Variants in CHORDC1 observed in about 807,000 individuals in gnomAD.
The protein encoded by CHORDC1 is cysteine and histidine rich domain containing 1.
In CHORDC1, 25 loss-of-function variants were observed where a neutral mutation model predicts 48.3. The ratio of observed to expected loss-of-function variants is 0.52; its 90% CI spans 0.38 to 0.72. The LOEUF (loss-of-function observed/expected upper bound fraction) is 0.72, where lower values mean the gene tolerates loss of function less well. Among genes scored for constraint, CHORDC1 ranks in the 30% least tolerant of loss-of-function variants. The pLI, the probability that CHORDC1 is intolerant of heterozygous loss-of-function variation, is 0.00. For synonymous variants in CHORDC1, 128 were observed against 126.4 expected (o/e 1.01, Z -0.09); for missense variants, 317 against 388.7 (o/e 0.82, Z 1.55).
chr11:90,203,326 T>C lies in CHORDC1; in HGVS notation c.771A>G (p.Val257=), dbSNP rs1484984092. Residue 257 remains valine (V), a synonymous_variant, in exon 9 of 11, where the codon GTA becomes GTG. Transcript: ENST00000320585. The part of the protein sequence containing the change: ...AKNSLPELSR[V]EANSTLLNVH... ...TACTTACCAATGTGCTATTTGCTTCTACTCGGCTAAGTTCTGGAAGTGAGT... is the reference window on the plus strand; with the variant it reads ...TACTTACCAATGTGCTATTTGCTTCCACTCGGCTAAGTTCTGGAAGTGAGT... 3 of 1,595,618 alleles carry C rather than the reference T, an allele frequency of 1.9e-6. No homozygotes were observed. The highest frequency in any genetic ancestry group is 2.6e-6 in the Non-Finnish European group (3 of 1,167,526).
chr11:90,208,600 A>T (rs970050856), intron 6 of CHORDC1: 6 of 152,224 alleles, frequency 3.9e-5, no homozygotes, highest in African/African-American at 1.4e-4. Context: ...ATTATTATGC[A>T]GAAGACGACA....
At chr11:90,222,597 C>A (rs745911388) in intron 1 of CHORDC1, 10 of 630,808 alleles carry the variant, frequency 1.6e-5, no homozygotes, top group Non-Finnish European at 2.3e-5. Flanking sequence ...AAATTCCAGG[C>A]GACTTAAAAG....
intron 7 of CHORDC1, 193 bp from the exon 8 acceptor site, chr11:90,205,758 A>G (rs983546102): frequency 1.8e-6 from 1 of 559,980 alleles, no homozygotes; most frequent in Admixed American, 3.6e-5. Flanking sequence ...GAAGATTTTT[A>G]CACAGTGCTG....
intron 1 of CHORDC1, among the ~76,000 whole-genome samples, 186 bp from the exon 2 acceptor site, chr11:90,218,370 C>A (rs1380431410): frequency 6.6e-6 from 1 of 152,046 alleles, no homozygotes; most frequent in East Asian, 1.9e-4. Flanking sequence ...ATTAAAAATT[C>A]TAATTCAAGC....
chr11:90,217,131 C>T lies in CHORDC1; in HGVS notation c.114+1004G>A, dbSNP rs544302418. ...TACTGAATGTCTTCTCTGTTTTCCT[C>T]ACTCAGAACTAACCAGACTAATACA... On this transcript the variant is annotated intron_variant, in intron 2 of 10. Coordinates refer to ENST00000320585, the MANE Select transcript of CHORDC1 (RefSeq NM_012124.3). Among the ~76,000 whole-genome samples the T allele has an allele frequency of 2.0e-5, 3 of 152,332 alleles. No individual in the cohort carries two copies. The East Asian group carries it at 5.8e-4, about 29-fold the overall frequency.
intron 5 of CHORDC1, 139 bp downstream of exon 5, chr11:90,211,076 G>C (rs1402754505): frequency 1.8e-6 from 1 of 541,076 alleles, no homozygotes; most frequent in Non-Finnish European, 3.3e-6. Flanking sequence ...TATCATATCT[G>C]ACATTTAGAA....
intron 5 of CHORDC1, chr11:90,210,804 A>G (rs983931798): frequency 1.2e-5 from 6 of 519,966 alleles, no homozygotes; most frequent in African/African-American, 7.7e-5. Flanking sequence ...AATTTTTTCC[A>G]TAACAAAATG....
chr11:90,206,165 T>C (rs2135030868), intron 7 of CHORDC1, 37 bp downstream of exon 7: 1 of 1,196,580 alleles, frequency 8.4e-7, no homozygotes, highest in South Asian at 1.2e-5. Flanking sequence ...TTCTAAATTC[T>C]ACCATAAACT....
intron 1 of CHORDC1, among the ~76,000 whole-genome samples, chr11:90,219,692 A>G (rs574043997): frequency 1.3e-5 from 2 of 152,238 alleles, no homozygotes; most frequent in Non-Finnish European, 2.9e-5. Flanking sequence ...TACTTTTAGT[A>G]AATCTCCATT....
chr11:90,209,886 A>C (rs935236609), intron 6 of CHORDC1, among the ~76,000 whole-genome samples: 15 of 152,192 alleles, frequency 9.9e-5, no homozygotes, highest in Non-Finnish European at 1.9e-4. Context: ...AGCAAGTAAT[A>C]GCTTCTCCTA....
Position 90,205,444 on chromosome 11 carries a change from TG to T in CHORDC1, c.669+15del. ...GAATATAAACCCAGTGTGCTATTTTTGGAAGAGTTACTTACAGCATCTTTTT... is the reference window on the plus strand; with the variant it reads ...GAATATAAACCCAGTGTGCTATTTTTGAAGAGTTACTTACAGCATCTTTTT... On this transcript the variant is annotated intron_variant, in intron 8 of 10. Transcript: ENST00000320585. 1 of 1,354,432 alleles carries T rather than the reference TG, an allele frequency of 7.4e-7. No individual in the cohort carries two copies. The highest frequency in any genetic ancestry group is 1.2e-5 in the South Asian group (1 of 81,860). 83.9% of individuals were successfully genotyped at this position (1,354,432 alleles called of 1,614,324 possible).
At chr11:90,216,598 A>G (rs546490361) in intron 2 of CHORDC1, 1 of 421,186 alleles carries the variant, frequency 2.4e-6, no homozygotes, top group South Asian at 1.7e-5. Flanking sequence ...AAACACTACA[A>G]CTGCAAAAGA....
At chr11:90,218,219 T>A (rs758266019) in intron 1 of CHORDC1, 35 bp from the exon 2 acceptor site, 3 of 1,500,300 alleles carry the variant, frequency 2.0e-6, no homozygotes, top group Non-Finnish European at 2.7e-6. Flanking sequence ...AAAGTACCAC[T>A]CTTTATAATG....
chr11:90,203,225 T>C, intron 9 of CHORDC1, 83 bp downstream of exon 9: 1 of 1,300,116 alleles, frequency 7.7e-7, no homozygotes, highest in Non-Finnish European at 1.1e-6. Flanking sequence ...TCAGCTGAGA[T>C]ATAAACAATA....
In CHORDC1 at chr11:90,207,193, T is replaced by C. The variant is rs143867287; in HGVS notation, c.493-921A>G. ...AATTTGACTTGAATATATTAATTTG[T>C]TAATCTTCCTCATAAGCTAGCAGAT... On this transcript the variant is annotated intron_variant, in intron 6 of 10. Coordinates refer to ENST00000320585, the MANE Select transcript of CHORDC1 (RefSeq NM_012124.3). 2.3e-3 allele frequency: 375 copies of C among 161,000 alleles called. 3 individuals carry two copies. The highest frequency in any genetic ancestry group is 8.3e-3 in the African/African-American group (347 of 41,690). 10.0% of individuals were successfully genotyped at this position (161,000 alleles called of 1,614,324 possible).
At position 90,201,698 on chromosome 11, in the gene CHORDC1, T is replaced by C. The variant is rs753333473; in HGVS notation, c.*707A>G. ...CACATTTAAATATTCAGGAAAGAGG[T>C]TGTTAAGATTATTGCTTAGTCTTAT... On this transcript the variant is annotated 3_prime_UTR_variant, in exon 11 of 11. Coordinates refer to ENST00000320585, the MANE Select transcript of CHORDC1 (RefSeq NM_012124.3). 6 of 152,344 alleles carry C rather than the reference T, an allele frequency of 3.9e-5. No individual in the cohort carries two copies. Among genetic ancestry groups the C allele is most frequent in the Non-Finnish European group, 5.9e-5 (4 of 67,870 alleles). 9.4% of individuals were successfully genotyped at this position (152,344 alleles called of 1,614,324 possible). A position where few individuals can be genotyped will look rare whatever the true frequency, so the allele number is the denominator to read the frequency against.
Position 90,200,577 on chromosome 11 carries a change from G to T in CHORDC1, c.*1828C>A, listed in dbSNP as rs971814201. Reference sequence around the variant, plus strand: ...TTTTATCTGGACAAGAAATTCAAAGGCTCCTTAAGAAGAAAGTAAATACCA... The same window carrying T: ...TTTTATCTGGACAAGAAATTCAAAGTCTCCTTAAGAAGAAAGTAAATACCA... On this transcript the variant is annotated 3_prime_UTR_variant, in exon 11 of 11. Transcript: ENST00000320585. Among the ~76,000 whole-genome samples, 4 of 151,782 alleles carry T rather than the reference G, an allele frequency of 2.6e-5. No homozygotes were observed. The highest frequency in any genetic ancestry group is 7.3e-5 in the African/African-American group (3 of 41,376).
chr11:90,214,596 T>C (rs1446991712), intron 3 of CHORDC1, among the ~76,000 whole-genome samples: 1 of 152,026 alleles, frequency 6.6e-6, no homozygotes, highest in Non-Finnish European at 1.5e-5. Context: ...ATCTCCTCAT[T>C]TGTAAAATGG....
chr11:90,206,541 GTACT>G (rs777287948), intron 6 of CHORDC1: 41 of 389,346 alleles, frequency 1.1e-4, no homozygotes, highest in African/African-American at 2.7e-4. Context: ...TCATATTCAA[GTACT>G]TACTTAGTTA....
Sources: allele counts gnomAD v4.1 joint callset (sites outside exome capture counted in the v4.1 genomes callset), GRCh38; gene constraint gnomAD v4.1.1; transcripts MANE v1.5; gene names NCBI Gene and HGNC (gene_info 2026-07-23, HGNC 2026-07-21).